RCC1L: variants seen among roughly 807,000 people sequenced by gnomAD.
RCC1L encodes RCC1 like, also known as RCC1-like G exchanging factor-like protein.
RCC1L carries 46 observed loss-of-function variants against 58.6 expected under a neutral mutation model. The observed-to-expected ratio is 0.79, with a 90% CI of 0.62 to 1.00. RCC1L has a LOEUF of 1.00. Among genes scored for constraint, RCC1L ranks in the 50% least tolerant of loss-of-function variants. The pLI, the probability that RCC1L is intolerant of heterozygous loss-of-function variation, is 0.00. For missense variants in RCC1L, 636 were observed against 623.6 expected (o/e 1.02, Z -0.21); for synonymous variants, 281 against 262.9 (o/e 1.07, Z -0.67).
intron 10 of RCC1L, among the ~76,000 whole-genome samples, chr7:75,035,960 G>C (rs1431707984): frequency 6.6e-6 from 1 of 151,874 alleles, no homozygotes; most frequent in South Asian, 2.1e-4. Flanking sequence ...AGCTATGATC[G>C]CACCACTGTA....
rs995904685 is a variant in RCC1L, at chr7:75,052,698, C to T, written c.1317+13G>A. 14 of 1,605,250 alleles carry T rather than the reference C, an allele frequency of 8.7e-6. No individual in the cohort carries two copies. The highest frequency in any genetic ancestry group is 1.7e-5 in the Admixed American group (1 of 58,572). ...TTAGCATCCATTCTCAAGACCTCCCCGGCCAGCCTTACCCTCCATGGGAAA... is the reference window on the plus strand; with the variant it reads ...TTAGCATCCATTCTCAAGACCTCCCTGGCCAGCCTTACCCTCCATGGGAAA... On this transcript the variant is annotated intron_variant, in intron 10 of 10. Transcript: ENST00000610322.
chr7:75,073,748 G>A lies in RCC1L; in HGVS notation c.-11C>T. ...CGCCACCAGCGCCATCCTCCGTTCC[G>A]CGCCTCAGCAGCCTCTGGGCGCCGC... is the stretch of plus-strand genomic sequence containing the variant. On this transcript the variant is annotated 5_prime_UTR_variant, in exon 1 of 11. Coordinates refer to ENST00000610322, the MANE Select transcript of RCC1L (RefSeq NM_030798.5). 1 of 1,495,164 alleles carries A rather than the reference G, an allele frequency of 6.7e-7. No homozygotes were observed. Among genetic ancestry groups the A allele is most frequent in the South Asian group, 1.3e-5 (1 of 79,338 alleles). 92.6% of individuals were successfully genotyped at this position (1,495,164 alleles called of 1,614,324 possible).
At chr7:75,062,660 T>C (rs892404396) in intron 5 of RCC1L, among the ~76,000 whole-genome samples, 13,173 of 152,304 alleles carry the variant, frequency 0.086, 711 homozygotes, top group South Asian at 0.13. Context: ...AATATTTCAA[T>C]GCACATATGC....
At chr7:75,071,504 G>C (rs1806725879) in intron 1 of RCC1L, among the ~76,000 whole-genome samples, 1 of 152,146 alleles carries the variant, frequency 6.6e-6, no homozygotes, top group Non-Finnish European at 1.5e-5. Flanking sequence ...AAATTAGCTA[G>C]GCATGGTGGC....
chr7:75,052,639 G>A (rs185205623), intron 10 of RCC1L, 72 bp downstream of exon 10: 234,354 of 1,436,274 alleles, frequency 0.16, 23,822 homozygotes, highest in African/African-American at 0.47. Context: ...ATCTGCACGC[G>A]AGGTGTCTGC....
chr7:75,064,714 G>C, intron 3 of RCC1L, 66 bp from the exon 4 acceptor site: 2 of 1,569,700 alleles, frequency 1.3e-6, no homozygotes, highest in East Asian at 4.5e-5. Flanking sequence ...GTGAGGACTG[G>C]AAGGGGTCTC....
At chr7:75,056,435 C>T (rs1007372414) in intron 8 of RCC1L, 5 of 1,256,120 alleles carry the variant, frequency 4.0e-6, no homozygotes, top group Non-Finnish European at 5.3e-6. Context: ...CTAATGACAG[C>T]TCTGTGTTTC....
intron 2 of RCC1L, among the ~76,000 whole-genome samples, chr7:75,070,404 C>T (rs587676698): frequency 6.6e-6 from 1 of 152,136 alleles, no homozygotes; most frequent in African/African-American, 2.4e-5. Flanking sequence ...AACCCCAACT[C>T]TACTAAAAAT....
chr7:75,053,435 ATTTGT>A (rs1805982068), intron 9 of RCC1L, among the ~76,000 whole-genome samples: 2 of 152,094 alleles, frequency 1.3e-5, no homozygotes, highest in East Asian at 3.9e-4. Context: ...AAGTAAGACA[ATTTGT>A]CATTCCTGGA....
intron 4 of RCC1L, among the ~76,000 whole-genome samples, chr7:75,064,304 T>C (rs1027697225): frequency 1.4e-5 from 2 of 147,348 alleles, no homozygotes; most frequent in African/African-American, 5.0e-5. Context: ...CACTCTGGCC[T>C]GGCGACAGAG....
Position 75,062,367 on chromosome 7 carries a change from C to T in RCC1L, c.702+925G>A, listed in dbSNP as rs947684047. Among the ~76,000 whole-genome samples, 750 of 152,102 alleles carry T rather than the reference C, an allele frequency of 4.9e-3. 2 individuals are homozygous for T. Among genetic ancestry groups the T allele is most frequent in the Middle Eastern group, 0.01 (3 of 294 alleles). On this transcript the variant is annotated intron_variant, in intron 5 of 10. Coordinates refer to ENST00000610322, the MANE Select transcript of RCC1L (RefSeq NM_030798.5). ...AATCTGTCTCTTTAAAATAATTAGC[C>T]GAGGATGGTGATGCACACCTGTAGA...
chr7:75,060,385 T>C (rs959375760), intron 6 of RCC1L, among the ~76,000 whole-genome samples: 1 of 152,228 alleles, frequency 6.6e-6, no homozygotes, highest in Non-Finnish European at 1.5e-5. Context: ...GTGCCAATAA[T>C]GACATTTGCC....
chr7:75,062,731 G>A (rs1385232527), intron 5 of RCC1L, among the ~76,000 whole-genome samples: 1 of 152,288 alleles, frequency 6.6e-6, no homozygotes, highest in South Asian at 2.1e-4. Context: ...GACGTTACAG[G>A]TGTGAGCCAC....
chr7:75,059,380 T>C (rs1047269317), intron 6 of RCC1L, among the ~76,000 whole-genome samples: 6 of 151,428 alleles, frequency 4.0e-5, no homozygotes, highest in Admixed American at 2.0e-4. Flanking sequence ...CTTTAATTCT[T>C]GTGCCTCAGC....
chr7:75,057,753 AAG>A, intron 7 of RCC1L, 137 bp from the exon 8 acceptor site: 1 of 804,278 alleles, frequency 1.2e-6, no homozygotes, highest in East Asian at 2.7e-5. Context: ...ATCACATGCC[AAG>A]CATCATACTA....
intron 9 of RCC1L, among the ~76,000 whole-genome samples, chr7:75,055,302 T>C (rs587625535): frequency 6.6e-6 from 1 of 152,158 alleles, no homozygotes; most frequent in Non-Finnish European, 1.5e-5. Context: ...GACACATTCC[T>C]TACCCTTACC....
At chr7:75,059,763 C>T (rs1806214796) in intron 6 of RCC1L, among the ~76,000 whole-genome samples, 1 of 151,976 alleles carries the variant, frequency 6.6e-6, no homozygotes, top group East Asian at 1.9e-4. Context: ...AAGAAAATCT[C>T]TAAGAGCCCA....
At chr7:75,041,331 T>A (rs1805559141), downstream of RCC1L, among the ~76,000 whole-genome samples, 1 of 152,118 alleles carries the variant, frequency 6.6e-6, no homozygotes. Context: ...CTGCTTCTCA[T>A]TTTTCCCGTT....
chr7:75,066,828 T>C (rs1462769720), intron 2 of RCC1L, 36 bp from the exon 3 acceptor site: 1 of 1,579,416 alleles, frequency 6.3e-7, no homozygotes, highest in African/African-American at 1.4e-5. Context: ...GAGGCATGCA[T>C]TTCTACCACT....
Sources: gnomAD v4.1 joint callset for allele counts (sites outside exome capture counted in the v4.1 genomes callset) on GRCh38, gnomAD v4.1.1 for gene constraint, MANE v1.5 for transcripts, NCBI Gene and HGNC (gene_info 2026-07-23, HGNC 2026-07-21) for gene names.